Variants in A1CF observed in about 807,000 individuals in gnomAD.
A1CF encodes the protein APOBEC-1 stimulating protein.
A1CF carries 48 observed loss-of-function variants against 68.9 expected under a neutral mutation model. That is an observed-to-expected ratio of 0.70 (90% CI 0.55 to 0.89). A1CF has a LOEUF of 0.89. Ranked by LOEUF, A1CF falls within the 40% of genes least tolerant of loss-of-function variation. The pLI is 0.00. For synonymous variants in A1CF, 272 were observed against 260.4 expected (o/e 1.04, Z -0.43); for missense variants, 653 against 718.9 (o/e 0.91, Z 1.05).
intron 1 of A1CF, among the ~76,000 whole-genome samples, chr10:50,877,615 T>C (rs181398060): frequency 6.6e-6 from 1 of 152,348 alleles, no homozygotes; most frequent in East Asian, 1.9e-4. Flanking sequence ...TGTTCTGATT[T>C]TATGCTAATT....
intron 1 of A1CF, among the ~76,000 whole-genome samples, chr10:50,874,073 T>C (rs1841395877): frequency 6.6e-6 from 1 of 152,116 alleles, no homozygotes; most frequent in Non-Finnish European, 1.5e-5. Context: ...GGAGGCATAT[T>C]TTCTCAATTT....
At chr10:50,854,098 T>C (rs979947139) in intron 3 of A1CF, among the ~76,000 whole-genome samples, 1 of 152,062 alleles carries the variant, frequency 6.6e-6, no homozygotes, top group Admixed American at 6.6e-5. Flanking sequence ...TTTTAACTCC[T>C]GACTGACCCT....
Position 50,828,243 on chromosome 10 carries a change from T to C in A1CF, c.657A>G (p.Glu219=). The C allele has an allele frequency of 6.2e-7, 1 of 1,607,846 alleles. No individual in the cohort carries two copies. Among genetic ancestry groups the C allele is most frequent in the Non-Finnish European group, 8.5e-7 (1 of 1,175,500 alleles). ...ACATTGTATCTTCATCAACTTCTAC[T>C]TCTGGCTCTGCCCAGTCTACTGCAA... ...HGIAVDWAEP[E]VEVDEDTMSS... Residue 219 remains glutamate (E), a synonymous_variant, in exon 7 of 13, where the codon GAA becomes GAG. Transcript: ENST00000373997.
Position 50,806,727 on chromosome 10 carries a change from C to A in A1CF, c.*2G>T. The A allele has an allele frequency of 6.4e-7, 1 of 1,571,238 alleles. No individual in the cohort carries two copies. Among genetic ancestry groups the A allele is most frequent in the South Asian group, 1.2e-5 (1 of 83,116 alleles). On this transcript the variant is annotated 3_prime_UTR_variant, in exon 13 of 13. Coordinates refer to ENST00000373997, the MANE Select transcript of A1CF (RefSeq NM_014576.4). ...CTTATTCTTAAATTTAAAAAAGCAT[C>A]TTCAGAAGGTGCCATATCCATCCCC...
Position 50,859,879 on chromosome 10 carries a change from C to T in A1CF, c.62G>A (p.Arg21His), listed in dbSNP as rs761190953. 1.9e-6 allele frequency: 3 copies of T among 1,613,974 alleles called. No homozygotes were observed. Among genetic ancestry groups the T allele is most frequent in the South Asian group, 1.1e-5 (1 of 91,080 alleles). Reference sequence around the variant, plus strand: ...ATATCCTGTGCGCTGGACCAGTGCGCGGAGGGCTGCTTCCTTCTGAGTGCC... The same window carrying T: ...ATATCCTGTGCGCTGGACCAGTGCGTGGAGGGCTGCTTCCTTCTGAGTGCC... ...LSGTQKEAAL[R>H]ALVQRTGYSL... The change falls in exon 3 of 13, where the codon CGC (arginine) becomes CAC (histidine). Residue 21 changes from arginine (R) to histidine (H), a missense_variant. Physicochemically the swap from Arg to His is conservative, Grantham distance 29. Coordinates refer to ENST00000373997, the MANE Select transcript of A1CF (RefSeq NM_014576.4).
At chr10:50,880,655 T>C (rs1372290807) in intron 1 of A1CF, among the ~76,000 whole-genome samples, 1 of 152,208 alleles carries the variant, frequency 6.6e-6, no homozygotes, top group Admixed American at 6.5e-5. Flanking sequence ...TAATTACATC[T>C]AATAATTTAA....
chr10:50,874,372 T>C (rs929478526), intron 1 of A1CF, among the ~76,000 whole-genome samples: 1 of 152,258 alleles, frequency 6.6e-6, no homozygotes, highest in Non-Finnish European at 1.5e-5. Context: ...AAGTGGATTT[T>C]ATAAAGGTAC....
Position 50,875,667 on chromosome 10 carries a change from T to C in A1CF, c.-94+9914A>G, listed in dbSNP as rs12248117. Among the ~76,000 whole-genome samples the C allele has an allele frequency of 9.6e-3, 1,469 of 152,324 alleles. 33 individuals carry two copies. Among genetic ancestry groups the C allele is most frequent in the African/African-American group, 0.033 (1,388 of 41,580 alleles). On this transcript the variant is annotated intron_variant, in intron 1 of 12. Transcript: ENST00000373997. ...CTTTTGGTACATATGTATCCTTACC[T>C]GTTGCCCTCTCTACACTCCTAGCTC...
At chr10:50,865,712 T>G (rs1840959258) in intron 1 of A1CF, among the ~76,000 whole-genome samples, 1 of 152,326 alleles carries the variant, frequency 6.6e-6, no homozygotes, top group Non-Finnish European at 1.5e-5. Flanking sequence ...CTTTGCCACA[T>G]TGGCCTTACT....
At chr10:50,833,162 G>C (rs1360512819) in intron 6 of A1CF, among the ~76,000 whole-genome samples, 1 of 152,158 alleles carries the variant, frequency 6.6e-6, no homozygotes, top group East Asian at 1.9e-4. Context: ...GAAAACATCA[G>C]GTAATTCCAA....
intron 7 of A1CF, among the ~76,000 whole-genome samples, chr10:50,826,213 A>G (rs1838924963): frequency 6.6e-6 from 1 of 152,170 alleles, no homozygotes; most frequent in African/African-American, 2.4e-5. Flanking sequence ...TAGTTTAGTG[A>G]AGAAAATAGA....
chr10:50,835,326 G>GT (rs1220502163), intron 6 of A1CF, among the ~76,000 whole-genome samples: 4 of 152,024 alleles, frequency 2.6e-5, no homozygotes, highest in Non-Finnish European at 5.9e-5. Flanking sequence ...TTGAATTCTG[G>GT]TGGCTCTCCC....
At chr10:50,868,554 A>T (rs1344223944) in intron 1 of A1CF, among the ~76,000 whole-genome samples, 1 of 152,314 alleles carries the variant, frequency 6.6e-6, no homozygotes, top group African/African-American at 2.4e-5. Context: ...ATACTAGAAA[A>T]AAAACTAACC....
Position 50,811,021 on chromosome 10 carries a change from A to G in A1CF, c.1460+19T>C. On this transcript the variant is annotated intron_variant, in intron 11 of 12. Transcript: ENST00000373997. ...GTATCCTGCTCTAAAATGGTAAGGA[A>G]TTTGGAGAAGTTACGCACATTGCAG... 1 of 1,603,222 alleles carries G rather than the reference A, an allele frequency of 6.2e-7. No homozygotes were observed. The highest frequency in any genetic ancestry group is 8.5e-7 in the Non-Finnish European group (1 of 1,173,410).
At chr10:50,834,836 T>C (rs1489596087) in intron 6 of A1CF, among the ~76,000 whole-genome samples, 3 of 151,886 alleles carry the variant, frequency 2.0e-5, no homozygotes, top group African/African-American at 7.3e-5. Context: ...TTACATAAGG[T>C]TTAGAATATG....
chr10:50,844,719 C>T (rs34862725), intron 3 of A1CF, among the ~76,000 whole-genome samples: 17,470 of 152,124 alleles, frequency 0.11, 1,321 homozygotes, highest in South Asian at 0.17. Context: ...AACACAGTGA[C>T]ATGTAAAGTA....
intron 1 of A1CF, among the ~76,000 whole-genome samples, chr10:50,871,764 C>A (rs1356784655): frequency 6.6e-6 from 1 of 151,966 alleles, no homozygotes; most frequent in South Asian, 2.1e-4. Flanking sequence ...TCATAACATG[C>A]CAGCATTCTA....
rs768819475 is a variant in A1CF, at chr10:50,800,289, T to G, written c.*6440A>C. On this transcript the variant is annotated 3_prime_UTR_variant, in exon 13 of 13. Transcript: ENST00000373997. Reference sequence around the variant, plus strand: ...TTTTTCTCCTTCTATTTTTGCATAGTCCTTTATATTTCTCCTGGGGGAAAT... The same window carrying G: ...TTTTTCTCCTTCTATTTTTGCATAGGCCTTTATATTTCTCCTGGGGGAAAT... The G allele has an allele frequency of 1.3e-5, 2 of 152,276 alleles. No homozygotes were observed. The highest frequency in any genetic ancestry group is 2.4e-5 in the African/African-American group (1 of 41,574). 9.4% of individuals were successfully genotyped at this position (152,276 alleles called of 1,614,324 possible). A position where few individuals can be genotyped will look rare whatever the true frequency, so the allele number is the denominator to read the frequency against.
At chr10:50,874,596 C>T (rs951472500) in intron 1 of A1CF, among the ~76,000 whole-genome samples, 5 of 152,146 alleles carry the variant, frequency 3.3e-5, no homozygotes, top group African/African-American at 1.2e-4. Context: ...AAATAATATT[C>T]GCTCCATTAA....
Sources: allele counts gnomAD v4.1 joint callset (sites outside exome capture counted in the v4.1 genomes callset), GRCh38; gene constraint gnomAD v4.1.1; transcripts MANE v1.5; gene names NCBI Gene and HGNC (gene_info 2026-07-23, HGNC 2026-07-21).